The following PTPRO variants were observed in gnomAD, a reference collection of about 807,000 sequenced individuals.
PTPRO encodes protein tyrosine phosphatase receptor type O.
In PTPRO, 62 loss-of-function variants were observed where a neutral mutation model predicts 145.2. The ratio of observed to expected loss-of-function variants is 0.43; its 90% CI spans 0.35 to 0.53. The LOEUF (loss-of-function observed/expected upper bound fraction) is 0.53. Among genes scored for constraint, PTPRO ranks in the 20% least tolerant of loss-of-function variants. PTPRO has a pLI of 0.01. For synonymous variants in PTPRO, 565 were observed against 514.7 expected (o/e 1.10, Z -1.32); for missense variants, 1,345 against 1,482.7 (o/e 0.91, Z 1.53).
chr12:15,329,748 T>C (rs1591705929), intron 1 of PTPRO, among the ~76,000 whole-genome samples: 1 of 152,312 alleles, frequency 6.6e-6, no homozygotes, highest in East Asian at 1.9e-4. Flanking sequence ...ATTGGGAACA[T>C]GGACACAGAT....
chr12:15,551,634 C>T lies in PTPRO; in HGVS notation c.2521C>T (p.Leu841Phe). 6.2e-7 allele frequency: 1 copy of T among 1,613,614 alleles called. No individual in the cohort carries two copies. Among genetic ancestry groups the T allele is most frequent in the Non-Finnish European group, 8.5e-7 (1 of 1,179,740 alleles). The stretch of plus-strand genomic sequence containing the variant: ...TTTAATTGGACTGTTGCTTGTTACC[C>T]TCATTATTCTTAGGAAAAAGCATCT... ...TLLIGLLLVT[L>F]IILRKKHLQM... Residue 841 changes from leucine (L) to phenylalanine (F), a missense_variant, in exon 15 of 27, where the codon CTC becomes TTC. Transcript: ENST00000281171.
chr12:15,522,452 T>C (rs1942744156), intron 10 of PTPRO, among the ~76,000 whole-genome samples: 1 of 151,750 alleles, frequency 6.6e-6, no homozygotes, highest in Admixed American at 6.6e-5. Context: ...GTGATGCTAA[T>C]ACTTATAACA....
intron 18 of PTPRO, among the ~76,000 whole-genome samples, chr12:15,565,877 C>A (rs1000923012): frequency 1.3e-5 from 2 of 152,056 alleles, no homozygotes; most frequent in Admixed American, 1.3e-4. Context: ...GAGAGTGGAT[C>A]GTTAGCAATT....
At chr12:15,429,050 A>G (rs1454510799) in intron 1 of PTPRO, among the ~76,000 whole-genome samples, 4 of 152,194 alleles carry the variant, frequency 2.6e-5, no homozygotes, top group Non-Finnish European at 5.9e-5. Context: ...ACTAAAAATC[A>G]TAATTATTGT....
At chr12:15,561,885 C>T (rs1008073207) in intron 17 of PTPRO, among the ~76,000 whole-genome samples, 3 of 152,054 alleles carry the variant, frequency 2.0e-5, no homozygotes, top group Non-Finnish European at 4.4e-5. Context: ...GTAAGGTAGG[C>T]CTGTGCAAGT....
intron 1 of PTPRO, among the ~76,000 whole-genome samples, chr12:15,429,888 C>T (rs187759413): frequency 3.5e-4 from 53 of 151,976 alleles, no homozygotes; most frequent in African/African-American, 9.6e-4. Flanking sequence ...AATTTAGATA[C>T]GAAAGAGTGA....
At position 15,464,184 on chromosome 12, in the gene PTPRO, A is replaced by G. The variant is rs1258163349; in HGVS notation, c.76-19790A>G. Among the ~76,000 whole-genome samples, 4 of 152,166 alleles carry G rather than the reference A, an allele frequency of 2.6e-5. No homozygotes were observed. The East Asian group carries it at 7.7e-4, about 29-fold the overall frequency. Reference sequence around the variant, plus strand: ...AGAAGGGGAATCTTATGCAGGGAGGAGGAAATAGAAATAAAGTAGTTAACA... The same window carrying G: ...AGAAGGGGAATCTTATGCAGGGAGGGGGAAATAGAAATAAAGTAGTTAACA... On this transcript the variant is annotated intron_variant, in intron 1 of 26. Transcript: ENST00000281171.
intron 18 of PTPRO, among the ~76,000 whole-genome samples, chr12:15,568,865 C>T (rs1223899349): frequency 6.6e-6 from 1 of 152,178 alleles, no homozygotes; most frequent in African/African-American, 2.4e-5. Context: ...CCTGCCTCTG[C>T]TTTGGGGAGA....
intron 1 of PTPRO, among the ~76,000 whole-genome samples, chr12:15,337,980 G>A (rs181788578): frequency 1.3e-5 from 2 of 152,322 alleles, no homozygotes; most frequent in Non-Finnish European, 2.9e-5. Flanking sequence ...TATCTTGATT[G>A]TGGTGGTAAT....
intron 2 of PTPRO, among the ~76,000 whole-genome samples, chr12:15,496,658 A>G (rs1312202944): frequency 6.6e-6 from 1 of 152,200 alleles, no homozygotes; most frequent in Non-Finnish European, 1.5e-5. Flanking sequence ...TTAAATTTCT[A>G]CAGAAAGAGT....
At chr12:15,570,082 T>C (rs1425404458) in intron 19 of PTPRO, among the ~76,000 whole-genome samples, 1 of 152,240 alleles carries the variant, frequency 6.6e-6, no homozygotes, top group Non-Finnish European at 1.5e-5. Context: ...TCTCTTTTTT[T>C]CCGAAGGACA....
chr12:15,425,748 A>G (rs1459067934), intron 1 of PTPRO, among the ~76,000 whole-genome samples: 2 of 128,278 alleles, frequency 1.6e-5, no homozygotes, highest in Non-Finnish European at 3.4e-5. Flanking sequence ...CATTTTTTGT[A>G]ACTTTTTTAT....
At chr12:15,370,698 AC>A (rs1445331409) in intron 1 of PTPRO, among the ~76,000 whole-genome samples, 2 of 152,202 alleles carry the variant, frequency 1.3e-5, no homozygotes, top group African/African-American at 2.4e-5. Context: ...CAATAAAAAA[AC>A]ACAAACAATT....
At chr12:15,581,243 C>T (rs1944307558) in intron 22 of PTPRO, among the ~76,000 whole-genome samples, 1 of 150,966 alleles carries the variant, frequency 6.6e-6, no homozygotes, top group East Asian at 1.9e-4. Flanking sequence ...TTTCAGCAAC[C>T]GGGGCTTACA....
chr12:15,481,912 T>A (rs1272894622), intron 1 of PTPRO, among the ~76,000 whole-genome samples: 2 of 152,076 alleles, frequency 1.3e-5, no homozygotes, highest in Non-Finnish European at 2.9e-5. Context: ...TTGGTGGAAA[T>A]GTAAATTAGT....
rs180728212 is a variant in PTPRO at position 15,472,517 on chromosome 12, G to A, written c.76-11457G>A. 8.5e-5 allele frequency among the ~76,000 whole-genome samples: 13 copies of A among 152,170 alleles called. No individual in the cohort carries two copies. In the East Asian group the frequency reaches 1.4e-3, roughly 16 times the overall value. ...CTAGAGGTCTCTGGATGCTCTTCCC[G>A]CTTAACAAGTGCCTTTTCTGAACCA... On this transcript the variant is annotated intron_variant, in intron 1 of 26. Coordinates refer to ENST00000281171, the MANE Select transcript of PTPRO (RefSeq NM_030667.3).
intron 1 of PTPRO, among the ~76,000 whole-genome samples, chr12:15,431,340 G>C (rs1429153398): frequency 6.6e-6 from 1 of 152,138 alleles, no homozygotes; most frequent in Non-Finnish European, 1.5e-5. Context: ...TGCTCACTTT[G>C]GGAAGAATTT....
intron 16 of PTPRO, 57 bp downstream of exon 16, chr12:15,557,580 A>G: frequency 6.6e-7 from 1 of 1,519,894 alleles, no homozygotes; most frequent in Non-Finnish European, 9.1e-7. Context: ...TGTGTGCTCC[A>G]AAGTCGATTT....
intron 1 of PTPRO, among the ~76,000 whole-genome samples, chr12:15,327,545 C>A (rs778271677): frequency 1.3e-5 from 2 of 152,138 alleles, no homozygotes; most frequent in Non-Finnish European, 2.9e-5. Flanking sequence ...TTTTCTACAC[C>A]CTGGTCTTGG....
Sources: allele counts gnomAD v4.1 joint callset (sites outside exome capture counted in the v4.1 genomes callset), GRCh38; gene constraint gnomAD v4.1.1; transcripts MANE v1.5; gene names NCBI Gene and HGNC (gene_info 2026-07-23, HGNC 2026-07-21).